PTPRK: variants seen among roughly 807,000 people sequenced by gnomAD.
PTPRK encodes receptor-type tyrosine-protein phosphatase kappa.
Under a neutral mutation model 178.0 loss-of-function variants are expected in PTPRK, and 75 were observed. That is an observed-to-expected ratio of 0.42 (90% CI 0.35 to 0.51). The LOEUF is 0.51. Ranked by LOEUF, PTPRK falls within the 20% of genes least tolerant of loss-of-function variation. PTPRK has a pLI of 0.02. For synonymous variants in PTPRK, 637 were observed against 620.6 expected, an observed-to-expected ratio of 1.03 and a Z score of -0.39; for missense variants, 1,441 against 1,797.8, an observed-to-expected ratio of 0.80 and a Z score of 3.59.
intron 2 of PTPRK, among the ~76,000 whole-genome samples, chr6:128,396,731 G>C (rs535354808): frequency 2.2e-4 from 33 of 152,294 alleles, no homozygotes; most frequent in Non-Finnish European, 3.5e-4. Context: ...TGGGCGCGGT[G>C]GCTCACGCTT....
chr6:128,127,716 T>C (rs1793606369), intron 7 of PTPRK, among the ~76,000 whole-genome samples: 1 of 152,354 alleles, frequency 6.6e-6, no homozygotes, highest in African/African-American at 2.4e-5. Context: ...ACAAACTCAA[T>C]GTCTGACTAA....
intron 6 of PTPRK, among the ~76,000 whole-genome samples, chr6:128,215,323 A>C (rs1809075641): frequency 6.6e-6 from 1 of 152,172 alleles, no homozygotes; most frequent in Admixed American, 6.5e-5. Context: ...TCTGTAGCAT[A>C]ATTAGATTAC....
chr6:128,503,153 G>C (rs1473845675), intron 1 of PTPRK, among the ~76,000 whole-genome samples: 1 of 152,326 alleles, frequency 6.6e-6, no homozygotes, highest in East Asian at 1.9e-4. Context: ...TTGAAGCCAG[G>C]AGGCAGAGGT....
chr6:128,005,832 G>C (rs1778351872), intron 14 of PTPRK, among the ~76,000 whole-genome samples: 1 of 129,932 alleles, frequency 7.7e-6, no homozygotes, highest in Non-Finnish European at 1.7e-5. Context: ...AAAGTAGCTG[G>C]ACATACAGAA....
At chr6:128,034,174 T>C (rs185694542) in intron 13 of PTPRK, among the ~76,000 whole-genome samples, 4 of 152,308 alleles carry the variant, frequency 2.6e-5, no homozygotes, top group Admixed American at 2.6e-4. Flanking sequence ...GGGCAGTACA[T>C]TCTTTTCACC....
intron 1 of PTPRK, among the ~76,000 whole-genome samples, chr6:128,463,898 C>G: frequency 6.6e-6 from 1 of 151,566 alleles, no homozygotes; most frequent in South Asian, 2.1e-4. Flanking sequence ...ATTACAGGTG[C>G]CTGCCACCAC....
chr6:128,233,476 G>T (rs1021284682), intron 5 of PTPRK, among the ~76,000 whole-genome samples: 2 of 152,056 alleles, frequency 1.3e-5, no homozygotes, highest in Non-Finnish European at 1.5e-5. Flanking sequence ...TACAGTAGGG[G>T]GTCAGCCTCG....
At chr6:128,157,311 T>A (rs1562693336) in intron 7 of PTPRK, among the ~76,000 whole-genome samples, 1 of 152,034 alleles carries the variant, frequency 6.6e-6, no homozygotes, top group Non-Finnish European at 1.5e-5. Flanking sequence ...AAAGATACTT[T>A]AAGACTCTCA....
Position 127,977,022 on chromosome 6 carries a change from T to C in PTPRK, c.3744A>G (p.Thr1248=). ...TTACAGTGTTTGGCAGAGGGTATTG[T>C]GTGACGATGAAAGCAGCTGGTTGCC... ...SYRQPAAFIV[T]QYPLPNTVKD... is the part of the protein sequence containing the mutation. Residue 1248 remains threonine (T), a synonymous_variant, in exon 26 of 30, where the codon ACA becomes ACG. Coordinates refer to ENST00000368226, the MANE Select transcript of PTPRK (RefSeq NM_002844.4). 1 of 1,614,074 alleles carries C rather than the reference T, an allele frequency of 6.2e-7. No homozygotes were observed. Among genetic ancestry groups the C allele is most frequent in the African/African-American group, 1.3e-5 (1 of 75,046 alleles).
intron 27 of PTPRK, 57 bp downstream of exon 27, chr6:127,976,600 A>C: frequency 6.3e-7 from 1 of 1,595,392 alleles, no homozygotes; most frequent in South Asian, 1.1e-5. Context: ...ATTATACCAC[A>C]TCTTGGTTAT....
intron 2 of PTPRK, among the ~76,000 whole-genome samples, chr6:128,363,209 A>T (rs1471799367): frequency 1.3e-5 from 2 of 152,118 alleles, no homozygotes; most frequent in Non-Finnish European, 2.9e-5. Context: ...GTCACTTGTG[A>T]CTAATGAGCT....
chr6:128,400,105 G>A (rs1037322534), intron 1 of PTPRK, among the ~76,000 whole-genome samples: 2 of 152,082 alleles, frequency 1.3e-5, no homozygotes, highest in Non-Finnish European at 1.5e-5. Context: ...AAAATAACTG[G>A]ACTGATAAAT....
intron 11 of PTPRK, among the ~76,000 whole-genome samples, chr6:128,074,516 C>T (rs1047932968): frequency 6.6e-6 from 1 of 151,930 alleles, no homozygotes; most frequent in African/African-American, 2.4e-5. Context: ...ATTATGTATT[C>T]TAGGGAATTG....
chr6:128,047,718 A>G (rs545729534), intron 13 of PTPRK, among the ~76,000 whole-genome samples: 3 of 152,350 alleles, frequency 2.0e-5, no homozygotes, highest in Non-Finnish European at 2.9e-5. Context: ...TTTACACTAC[A>G]TATTGGAAAC....
At chr6:128,058,553 A>G (rs1432069300) in intron 13 of PTPRK, among the ~76,000 whole-genome samples, 1 of 152,014 alleles carries the variant, frequency 6.6e-6, no homozygotes, top group East Asian at 1.9e-4. Flanking sequence ...GCCTTATTTC[A>G]GATATATTTA....
chr6:128,271,161 A>G (rs1356790138), intron 3 of PTPRK, among the ~76,000 whole-genome samples: 1 of 152,176 alleles, frequency 6.6e-6, no homozygotes, highest in Non-Finnish European at 1.5e-5. Flanking sequence ...TGGGAGAAAT[A>G]CAAACCTCAA....
At chr6:128,134,677 G>A (rs1045941290) in intron 7 of PTPRK, among the ~76,000 whole-genome samples, 5 of 152,090 alleles carry the variant, frequency 3.3e-5, no homozygotes, top group African/African-American at 1.2e-4. Context: ...CAGGCATGGT[G>A]GTGCACACCT....
At chr6:128,203,779 A>G (rs1479504128) in intron 6 of PTPRK, among the ~76,000 whole-genome samples, 1 of 152,246 alleles carries the variant, frequency 6.6e-6, no homozygotes, top group Non-Finnish European at 1.5e-5. Context: ...CAGAGAGGAC[A>G]CAAACAAATG....
chr6:127,978,271 T>C (rs1398332501), intron 25 of PTPRK, among the ~76,000 whole-genome samples: 4 of 152,198 alleles, frequency 2.6e-5, no homozygotes, highest in Non-Finnish European at 5.9e-5. Context: ...CCTAGAATTG[T>C]AATAATCCCC....
Sources: allele counts gnomAD v4.1 joint callset (sites outside exome capture counted in the v4.1 genomes callset), GRCh38; gene constraint gnomAD v4.1.1; transcripts MANE v1.5; gene names NCBI Gene and HGNC (gene_info 2026-07-23, HGNC 2026-07-21).